The following NEMP2 variants were observed in gnomAD, a reference collection of about 807,000 sequenced individuals.
NEMP2 encodes the protein UPF0571 transmembrane protein.
Under a neutral mutation model 54.2 loss-of-function variants are expected in NEMP2, and 53 were observed. The observed-to-expected ratio is 0.98, with a 90% CI of 0.78 to 1.23. NEMP2 has a LOEUF of 1.23. Among genes scored for constraint, NEMP2 ranks in the 50% most tolerant of loss-of-function variants. The pLI is 0.00. For synonymous variants in NEMP2, 197 were observed against 190.3 expected, an observed-to-expected ratio of 1.04 and a Z score of -0.29; for missense variants, 455 against 511.3, an observed-to-expected ratio of 0.89 and a Z score of 1.06.
In NEMP2 at chr2:190,519,933, T is replaced by A. The variant is rs1690696833; in HGVS notation, c.214-750A>T. On this transcript the variant is annotated intron_variant, in intron 2 of 8. Coordinates refer to ENST00000409150, the MANE Select transcript of NEMP2 (RefSeq NM_001142645.2). This position sits in a 1 kb window ranked among gnomAD's most constrained non-coding sequence, Gnocchi z 5.4. ...AGCATGTGCTCACTTCATGTCTTTG[T>A]GTCAGCATGTTTTAGCAATAAAGTA... is the stretch of plus-strand genomic sequence containing the variant. Among the ~76,000 whole-genome samples, 1 of 152,234 alleles carries A rather than the reference T, an allele frequency of 6.6e-6. No individual in the cohort carries two copies. The highest frequency in any genetic ancestry group is 1.5e-5 in the Non-Finnish European group (1 of 68,038).
chr2:190,513,765 C>G lies in NEMP2; in HGVS notation c.953+688G>C, dbSNP rs1690454138. Among the ~76,000 whole-genome samples the G allele has an allele frequency of 6.6e-6, 1 of 152,210 alleles. No homozygotes were observed. The highest frequency in any genetic ancestry group is 2.1e-4 in the South Asian group (1 of 4,828). On this transcript the variant is annotated intron_variant, in intron 7 of 8. Transcript: ENST00000409150. This position sits in a 1 kb window ranked among gnomAD's most constrained non-coding sequence, Gnocchi z 5.3. Reference sequence around the variant, plus strand: ...AGTAATATCTCTCCAGGAAAGCTCTCCTGGCTTTCTCTATATACCCTTAGT... The same window carrying G: ...AGTAATATCTCTCCAGGAAAGCTCTGCTGGCTTTCTCTATATACCCTTAGT...
chr2:190,497,868 A>C, the NEMP2 span: 1 of 903,398 alleles, frequency 1.1e-6, no homozygotes, highest in Non-Finnish European at 1.6e-6. This position sits in a 1 kb window ranked among gnomAD's most constrained non-coding sequence, Gnocchi z 5.2. Flanking sequence ...GTACTCTGTG[A>C]GCACTGAGTT....
At chr2:190,490,511 C>T in the NEMP2 span, among the ~76,000 whole-genome samples, 6 of 151,390 alleles carry the variant, frequency 4.0e-5, no homozygotes, top group Non-Finnish European at 2.9e-5. The surrounding 1 kb of genome is among the most constrained non-coding windows in gnomAD (Gnocchi z 4.5). Flanking sequence ...TGCAGTGAGC[C>T]GAGATAGCAC....
At chr2:190,481,673 T>C in the NEMP2 span, among the ~76,000 whole-genome samples, 1,715 of 152,374 alleles carry the variant, frequency 0.011, 39 homozygotes, top group African/African-American at 0.038. Flanking sequence ...CCTAGCAGGC[T>C]ATCTGGCACA....
the NEMP2 span, among the ~76,000 whole-genome samples, chr2:190,494,741 AC>A: frequency 2.6e-5 from 4 of 152,212 alleles, no homozygotes; most frequent in African/African-American, 9.6e-5. This position sits in a 1 kb window ranked among gnomAD's most constrained non-coding sequence, Gnocchi z 5.7. Flanking sequence ...AGAATTAAAA[AC>A]AAAAATCACA....
At chr2:190,433,896 G>T in the NEMP2 span, among the ~76,000 whole-genome samples, 2 of 152,116 alleles carry the variant, frequency 1.3e-5, no homozygotes, top group Non-Finnish European at 2.9e-5. This position sits in a 1 kb window ranked among gnomAD's most constrained non-coding sequence, Gnocchi z 4.5. Context: ...CTCTAGTAAA[G>T]AAAGTGAAAG....
At chr2:190,471,904 C>T in the NEMP2 span, among the ~76,000 whole-genome samples, 826 of 152,292 alleles carry the variant, frequency 5.4e-3, 11 homozygotes, top group South Asian at 0.031. This position sits in a 1 kb window ranked among gnomAD's most constrained non-coding sequence, Gnocchi z 4.7. Flanking sequence ...TCCAGAGGAA[C>T]GATCAGGCAG....
the NEMP2 span, among the ~76,000 whole-genome samples, chr2:190,541,970 T>G: frequency 1.4e-3 from 214 of 152,170 alleles, 2 homozygotes; most frequent in African/African-American, 5.1e-3. This position sits in a 1 kb window ranked among gnomAD's most constrained non-coding sequence, Gnocchi z 5.2. Flanking sequence ...AAATTGGAGC[T>G]CCTTCATATG....
chr2:190,618,645 T>A, the NEMP2 span, among the ~76,000 whole-genome samples: 3 of 152,210 alleles, frequency 2.0e-5, no homozygotes, highest in African/African-American at 7.2e-5. Context: ...AGTGGCACGA[T>A]TATAGCTTAC....
the NEMP2 span, among the ~76,000 whole-genome samples, chr2:190,643,247 C>T: frequency 6.6e-6 from 1 of 152,104 alleles, no homozygotes; most frequent in Admixed American, 6.6e-5. Context: ...GCATAAATAA[C>T]TATAAGCCTT....
chr2:190,565,380 G>T, the NEMP2 span, among the ~76,000 whole-genome samples: 1 of 152,186 alleles, frequency 6.6e-6, no homozygotes, highest in African/African-American at 2.4e-5. Context: ...TGTGGGTTAT[G>T]AACTCAGTTA....
chr2:190,453,811 G>C, the NEMP2 span, among the ~76,000 whole-genome samples: 5 of 152,190 alleles, frequency 3.3e-5, no homozygotes, highest in Middle Eastern at 3.2e-3. Context: ...AGGTGTCACT[G>C]TCTGTGCCTT....
the NEMP2 span, among the ~76,000 whole-genome samples, chr2:190,451,996 G>GT: frequency 2.0e-5 from 3 of 151,220 alleles, no homozygotes; most frequent in South Asian, 2.1e-4. The surrounding 1 kb of genome is among the most constrained non-coding windows in gnomAD (Gnocchi z 5.0). Flanking sequence ...AAGCTGTGCT[G>GT]TTTTTTTGAG....
At chr2:190,437,419 G>A in the NEMP2 span, 34 of 1,614,056 alleles carry the variant, frequency 2.1e-5, no homozygotes, top group Admixed American at 8.3e-5. The surrounding 1 kb of genome is among the most constrained non-coding windows in gnomAD (Gnocchi z 5.9). Context: ...ATATGGCTTC[G>A]TGTTCACCTT....
At chr2:190,550,679 G>C in the NEMP2 span, among the ~76,000 whole-genome samples, 1 of 151,958 alleles carries the variant, frequency 6.6e-6, no homozygotes, top group East Asian at 1.9e-4. The surrounding 1 kb of genome is among the most constrained non-coding windows in gnomAD (Gnocchi z 4.7). Context: ...TCTGCATTTT[G>C]TACAAATGTA....
In NEMP2 at chr2:190,510,667, G is replaced by T; in HGVS notation, c.954-130C>A. 1.2e-6 allele frequency: 1 copy of T among 822,750 alleles called. No homozygotes were observed. The highest frequency in any genetic ancestry group is 1.7e-5 in the South Asian group (1 of 59,792). 51.0% of individuals were successfully genotyped at this position (822,750 alleles called of 1,614,324 possible). A position where few individuals can be genotyped will look rare whatever the true frequency, so the allele number is the denominator to read the frequency against. On this transcript the variant is annotated intron_variant, in intron 7 of 8. Coordinates refer to ENST00000409150, the MANE Select transcript of NEMP2 (RefSeq NM_001142645.2). This position sits in a 1 kb window ranked among gnomAD's most constrained non-coding sequence, Gnocchi z 5.7. ...GAGGCCTGGGGAGGCGGATCACGAG[G>T]TCAGGAGATTGAGACGGTCCTGGCT...
At chr2:190,587,667 G>A in the NEMP2 span, among the ~76,000 whole-genome samples, 1 of 152,162 alleles carries the variant, frequency 6.6e-6, no homozygotes, top group Admixed American at 6.6e-5. The surrounding 1 kb of genome is among the most constrained non-coding windows in gnomAD (Gnocchi z 5.4). Flanking sequence ...GGACTTAGTA[G>A]TGAATTGACC....
At chr2:190,587,445 A>G in the NEMP2 span, among the ~76,000 whole-genome samples, 1 of 152,258 alleles carries the variant, frequency 6.6e-6, no homozygotes, top group Non-Finnish European at 1.5e-5. The surrounding 1 kb of genome is among the most constrained non-coding windows in gnomAD (Gnocchi z 5.4). Context: ...TGTGAGTAAT[A>G]AGCCATTCTT....
chr2:190,519,159 A>C lies in NEMP2; in HGVS notation c.238T>G (p.Phe80Val), dbSNP rs1468646412. The part of the protein sequence containing the change: ...MQVKITSPGL[F>V]RIVYIAERHN... ...CTTTCTGCGATATATACAATTCTGA[A>C]CAGGCCTGGACTGGTAATTTTCACC... The change falls in exon 3 of 9, where the codon TTC becomes GTC. Residue 80 changes from phenylalanine to valine, a missense_variant. By Grantham distance (50) the Phe-to-Val change is conservative. This residue lies in a region of NEMP2 where 61 missense variants were observed against 97.5 expected (regional missense o/e 0.63). Coordinates refer to ENST00000409150, the MANE Select transcript of NEMP2 (RefSeq NM_001142645.2). This position sits in a 1 kb window ranked among gnomAD's most constrained non-coding sequence, Gnocchi z 5.4. 6 of 1,547,410 alleles carry C rather than the reference A, an allele frequency of 3.9e-6. No individual in the cohort carries two copies. The South Asian group carries it at 7.1e-5, about 18-fold the overall frequency.
Sources: gnomAD v4.1 joint callset for allele counts (sites outside exome capture counted in the v4.1 genomes callset) on GRCh38, gnomAD v4.1.1 for gene constraint, gnomAD v4.1.1 regional missense constraint, Gnocchi (gnomAD v3.1) non-coding constraint, MANE v1.5 for transcripts, NCBI Gene and HGNC (gene_info 2026-07-23, HGNC 2026-07-21) for gene names.